PRKCA: variants seen among roughly 807,000 people sequenced by gnomAD.
The protein encoded by PRKCA is protein kinase C alpha type.
PRKCA carries 27 observed loss-of-function variants against 87.0 expected under a neutral mutation model. The observed-to-expected ratio is 0.31, with a 90% confidence interval of 0.23 to 0.43. The LOEUF is 0.43. Ranked by LOEUF, PRKCA falls within the 20% of genes least tolerant of loss-of-function variation. The pLI is 1.00. For synonymous variants in PRKCA, 329 were observed against 311.1 expected (o/e 1.06, Z -0.61); for missense variants, 518 against 852.3 (o/e 0.61, Z 4.88).
intron 8 of PRKCA, among the ~76,000 whole-genome samples, chr17:66,699,916 C>T (rs1022586538): frequency 3.3e-5 from 5 of 152,232 alleles, no homozygotes; most frequent in Admixed American, 1.3e-4. Flanking sequence ...TCAAACTCTT[C>T]CAAAACACTG....
At chr17:66,662,511 C>T (rs1291207054) in intron 5 of PRKCA, among the ~76,000 whole-genome samples, 1 of 152,088 alleles carries the variant, frequency 6.6e-6, no homozygotes, top group Non-Finnish European at 1.5e-5. Context: ...ATACTCGGCC[C>T]CCAGTCATTT....
At chr17:66,733,325 T>G (rs1973950325) in intron 9 of PRKCA, among the ~76,000 whole-genome samples, 1 of 152,104 alleles carries the variant, frequency 6.6e-6, no homozygotes, top group South Asian at 2.1e-4. Flanking sequence ...AAGGGCAGGT[T>G]GGGTTTTATG....
At chr17:66,454,069 T>C (rs1481785888) in intron 2 of PRKCA, among the ~76,000 whole-genome samples, 2 of 152,262 alleles carry the variant, frequency 1.3e-5, no homozygotes, top group Admixed American at 1.3e-4. Flanking sequence ...CCTCATGCCC[T>C]AGTTTCATGT....
chr17:66,807,826 G>A lies in PRKCA; in HGVS notation c.*3789G>A, dbSNP rs1264755126. The stretch of plus-strand genomic sequence containing the variant: ...AACGGACGTGCTGAGAAGGGAGAGG[G>A]AGGCGGGGGCTGTAGTCAGGAAGGA... On this transcript the variant is annotated 3_prime_UTR_variant, in exon 17 of 17. Transcript: ENST00000413366. The surrounding 1 kb of genome is among the most constrained non-coding windows in gnomAD (Gnocchi z 4.3). The A allele has an allele frequency of 6.6e-6, 1 of 152,320 alleles. No individual in the cohort carries two copies. The highest frequency in any genetic ancestry group is 1.5e-5 in the Non-Finnish European group (1 of 68,144). 9.4% of individuals were successfully genotyped at this position (152,320 alleles called of 1,614,324 possible). A position where few individuals can be genotyped will look rare whatever the true frequency, so the allele number is the denominator to read the frequency against.
intron 2 of PRKCA, among the ~76,000 whole-genome samples, chr17:66,404,742 C>CTGTTTTTTTT (rs1911250592): frequency 1.8e-5 from 1 of 54,246 alleles, no homozygotes; most frequent in East Asian, 4.9e-4. Context: ...GATGGTAGGC[C>CTGTTTTTTTT]TTTTTTTTTT....
chr17:66,438,627 T>C (rs1318865804), intron 2 of PRKCA, among the ~76,000 whole-genome samples: 1 of 152,194 alleles, frequency 6.6e-6, no homozygotes, highest in East Asian at 1.9e-4. Flanking sequence ...AGATACTACC[T>C]GAGACCAGGT....
At chr17:66,749,438 T>C (rs148402957) in intron 13 of PRKCA, among the ~76,000 whole-genome samples, 157 of 152,260 alleles carry the variant, frequency 1.0e-3, no homozygotes, top group African/African-American at 3.6e-3. Context: ...AGAGATCACC[T>C]TGGGGAGGCC....
intron 3 of PRKCA, among the ~76,000 whole-genome samples, chr17:66,496,549 G>GT (rs1298509305): frequency 6.6e-6 from 1 of 152,168 alleles, no homozygotes; most frequent in East Asian, 1.9e-4. Flanking sequence ...CAAATTTATT[G>GT]TAATAGCTTT....
intron 2 of PRKCA, among the ~76,000 whole-genome samples, chr17:66,444,140 A>G (rs905853442): frequency 1.3e-5 from 2 of 152,226 alleles, no homozygotes; most frequent in Admixed American, 6.5e-5. Context: ...GTAAATACTC[A>G]TGGATTCAAA....
chr17:66,538,413 C>G (rs1198428957), intron 3 of PRKCA, among the ~76,000 whole-genome samples: 3 of 152,202 alleles, frequency 2.0e-5, no homozygotes, highest in African/African-American at 4.8e-5. Context: ...GAGAGATGCA[C>G]TTGGTGCCTC....
intron 2 of PRKCA, among the ~76,000 whole-genome samples, chr17:66,422,436 C>T (rs1244104157): frequency 6.6e-6 from 1 of 152,124 alleles, no homozygotes; most frequent in Non-Finnish European, 1.5e-5. Flanking sequence ...ATAGCGTAAG[C>T]CCTCAATAAA....
At chr17:66,662,239 G>A (rs898425520) in intron 5 of PRKCA, among the ~76,000 whole-genome samples, 3 of 152,112 alleles carry the variant, frequency 2.0e-5, no homozygotes, top group Non-Finnish European at 4.4e-5. Context: ...TCTCTCTTCC[G>A]TCCAAACGAA....
chr17:66,715,591 G>C (rs1353283333), intron 8 of PRKCA, among the ~76,000 whole-genome samples: 2 of 152,108 alleles, frequency 1.3e-5, no homozygotes, highest in Non-Finnish European at 2.9e-5. Flanking sequence ...TTGGATCTTT[G>C]TTTTCTAGAA....
chr17:66,627,002 T>TC (rs773690017), intron 3 of PRKCA, among the ~76,000 whole-genome samples: 1 of 152,192 alleles, frequency 6.6e-6, no homozygotes, highest in Non-Finnish European at 1.5e-5. Context: ...ATAACCTCCC[T>TC]CTGCAGAGCA....
intron 2 of PRKCA, among the ~76,000 whole-genome samples, chr17:66,398,635 A>T (rs913314837): frequency 2.6e-5 from 4 of 152,136 alleles, no homozygotes; most frequent in Admixed American, 2.6e-4. Context: ...CAGAGAGGGA[A>T]CAGTCCCCAT....
intron 2 of PRKCA, among the ~76,000 whole-genome samples, chr17:66,437,309 G>A (rs557778482): frequency 2.0e-5 from 3 of 152,230 alleles, no homozygotes; most frequent in South Asian, 2.1e-4. Context: ...CTGAGAACAG[G>A]TTTTCTCCAT....
chr17:66,380,412 G>T (rs193167876), intron 2 of PRKCA, among the ~76,000 whole-genome samples: 1 of 151,986 alleles, frequency 6.6e-6, no homozygotes. Context: ...TACCTCATGG[G>T]GTTCTTGTGA....
At chr17:66,573,471 A>G (rs1969137667) in intron 3 of PRKCA, among the ~76,000 whole-genome samples, 1 of 152,190 alleles carries the variant, frequency 6.6e-6, no homozygotes, top group African/African-American at 2.4e-5. Context: ...GAAAAGAGAA[A>G]AGCAGTACCT....
In PRKCA at chr17:66,798,407, A is replaced by ATGGTGGTGGTGGTGGTGGTGG. The variant is rs1975727297; in HGVS notation, c.1855-5461_1855-5460insGTGGTGGTGGTGGTGGTGGTG. 8.0e-4 allele frequency among the ~76,000 whole-genome samples: 38 copies of ATGGTGGTGGTGGTGGTGGTGG among 47,558 alleles called. 6 individuals carry two copies. Among genetic ancestry groups the ATGGTGGTGGTGGTGGTGGTGG allele is most frequent in the African/African-American group, 3.8e-3 (36 of 9,590 alleles). 31.2% of individuals were successfully genotyped at this position (47,558 alleles called of 152,430 possible). ...GGTGGTGGTGGTGGTGGTGGTGGTG[A>ATGGTGGTGGTGGTGGTGGTGG]TGGTGATGGTGGTGGTGGTGGTGGT... On this transcript the variant is annotated intron_variant, in intron 16 of 16. Coordinates refer to ENST00000413366, the MANE Select transcript of PRKCA (RefSeq NM_002737.3).
Sources: allele counts gnomAD v4.1 joint callset (sites outside exome capture counted in the v4.1 genomes callset), GRCh38; gene constraint gnomAD v4.1.1; non-coding constraint Gnocchi (gnomAD v3.1); transcripts MANE v1.5; gene names NCBI Gene and HGNC (gene_info 2026-07-23, HGNC 2026-07-21).